The following BCAS3 variants were observed in gnomAD, a reference collection of about 807,000 sequenced individuals.
BCAS3 encodes the protein BCAS3 microtubule associated cell migration factor.
A neutral mutation model predicts 116.1 loss-of-function variants in BCAS3; 53 were observed. The ratio of observed to expected loss-of-function variants is 0.46; its 90% CI spans 0.37 to 0.57. The LOEUF is 0.57. Among genes scored for constraint, BCAS3 ranks in the 20% least tolerant of loss-of-function variants. The pLI, the probability that BCAS3 is intolerant of heterozygous loss-of-function variation, is 0.00. For synonymous variants in BCAS3, 391 were observed against 408.2 expected (o/e 0.96, Z 0.51); for missense variants, 917 against 1,165.4 (o/e 0.79, Z 3.10).
intron 23 of BCAS3, among the ~76,000 whole-genome samples, chr17:61,382,616 AC>A (rs1389520229): frequency 6.6e-6 from 1 of 151,476 alleles, no homozygotes; most frequent in African/African-American, 2.4e-5. Flanking sequence ...AGATTGCACC[AC>A]TGCACTCCAG....
At chr17:60,879,228 G>A (rs534844084) in intron 9 of BCAS3, among the ~76,000 whole-genome samples, 11 of 152,316 alleles carry the variant, frequency 7.2e-5, no homozygotes, top group African/African-American at 2.6e-4. Flanking sequence ...TGAATGACAA[G>A]ATCTCCACTT....
intron 14 of BCAS3, among the ~76,000 whole-genome samples, chr17:60,965,660 GTTC>G (rs951781785): frequency 6.6e-6 from 1 of 152,026 alleles, no homozygotes; most frequent in African/African-American, 2.4e-5. Flanking sequence ...ATTTTCCCCA[GTTC>G]TTCTTATTAA....
At chr17:61,331,556 G>T (rs905516116) in intron 22 of BCAS3, among the ~76,000 whole-genome samples, 3 of 152,166 alleles carry the variant, frequency 2.0e-5, no homozygotes, top group Admixed American at 6.5e-5. Context: ...ACTTTGGGAG[G>T]CTGAAGTGGG....
chr17:60,734,553 T>C (rs887984814), intron 5 of BCAS3, among the ~76,000 whole-genome samples: 30 of 152,228 alleles, frequency 2.0e-4, no homozygotes, highest in African/African-American at 7.0e-4. Context: ...CATGTGGGTG[T>C]CCAGTTTTTT....
chr17:61,260,319 CCATAGTA>C (rs1274564875), intron 22 of BCAS3, among the ~76,000 whole-genome samples: 3 of 151,952 alleles, frequency 2.0e-5, no homozygotes, highest in African/African-American at 7.3e-5. Context: ...CCAGAGAAAC[CCATAGTA>C]CGTTAGACAA....
chr17:60,969,274 T>C (rs1366457991), intron 14 of BCAS3, among the ~76,000 whole-genome samples: 1 of 152,210 alleles, frequency 6.6e-6, no homozygotes, highest in East Asian at 1.9e-4. Flanking sequence ...TAGTAGAAAT[T>C]ATTTTAAAGC....
In BCAS3 at chr17:60,947,282, A is replaced by G; in HGVS notation, c.1151A>G (p.His384Arg). Reference protein sequence around the residue: ...HDFHVFQILTHPWSSSQCAVH... With the variant: ...HDFHVFQILTRPWSSSQCAVH... ...TTTCATGTCTTCCAAATTCTGACTC[A>G]TCCTTGGTCCTCATCACAATGTGCT... The change falls in exon 14 of 24, where the codon CAT (histidine) becomes CGT (arginine). Residue 384 changes from histidine (H) to arginine (R), a missense_variant. His to Arg is a conservative substitution (Grantham distance 29). Coordinates refer to ENST00000407086, the MANE Select transcript of BCAS3 (RefSeq NM_017679.5). The G allele has an allele frequency of 1.9e-6, 3 of 1,612,850 alleles. No individual in the cohort carries two copies. Among genetic ancestry groups the G allele is most frequent in the Non-Finnish European group, 2.5e-6 (3 of 1,178,904 alleles).
intron 4 of BCAS3, among the ~76,000 whole-genome samples, chr17:60,701,180 G>T (rs945775654): frequency 2.6e-5 from 4 of 151,590 alleles, no homozygotes; most frequent in Admixed American, 2.6e-4. Flanking sequence ...GGAGGCGGAG[G>T]TTGCAGTGAG....
At chr17:60,901,943 C>A (rs898337920) in intron 10 of BCAS3, among the ~76,000 whole-genome samples, 1 of 152,092 alleles carries the variant, frequency 6.6e-6, no homozygotes, top group South Asian at 2.1e-4. Context: ...AGAATTTAAT[C>A]CTGGTTTATT....
At chr17:60,765,985 G>A (rs2044052713) in intron 6 of BCAS3, among the ~76,000 whole-genome samples, 1 of 152,092 alleles carries the variant, frequency 6.6e-6, no homozygotes, top group African/African-American at 2.4e-5. Flanking sequence ...ATCGGCTACT[G>A]AAGCATGTGC....
At chr17:60,887,313 TGC>T (rs2056772667) in intron 9 of BCAS3, 1 of 84,632 alleles carries the variant, frequency 1.2e-5, no homozygotes, top group African/African-American at 2.8e-4. Context: ...TCGCGCACGG[TGC>T]ACGGTGCGTG....
At chr17:60,983,561 C>T (rs2062943906) in intron 14 of BCAS3, among the ~76,000 whole-genome samples, 1 of 152,136 alleles carries the variant, frequency 6.6e-6, no homozygotes, top group Non-Finnish European at 1.5e-5. Context: ...AATCACTTCT[C>T]TATTAGCAGT....
intron 10 of BCAS3, among the ~76,000 whole-genome samples, chr17:60,893,887 G>T (rs1567811258): frequency 6.6e-6 from 1 of 151,990 alleles, no homozygotes. Context: ...GGGATTGCAG[G>T]CATGAGCCAC....
chr17:61,040,962 G>T, intron 19 of BCAS3, 70 bp downstream of exon 19: 1 of 1,330,962 alleles, frequency 7.5e-7, no homozygotes. Flanking sequence ...TGCTAGCTTT[G>T]AAAGCAAACA....
Position 61,028,583 on chromosome 17 carries a change from A to G in BCAS3, c.1638-6083A>G, listed in dbSNP as rs1476735829. Among the ~76,000 whole-genome samples, 1 of 151,948 alleles carries G rather than the reference A, an allele frequency of 6.6e-6. No individual in the cohort carries two copies. The highest frequency in any genetic ancestry group is 1.5e-5 in the Non-Finnish European group (1 of 67,828). On this transcript the variant is annotated intron_variant, in intron 16 of 23. Transcript: ENST00000407086. The surrounding 1 kb of genome is among the most constrained non-coding windows in gnomAD (Gnocchi z 4.3). ...AATAAAGATTGAAGTTTTGCATAGA[A>G]GTAAAAGATGGAATAACAACTGTTG...
chr17:61,161,225 T>C lies in BCAS3; in HGVS notation c.2425+76661T>C, dbSNP rs1438106065. Among the ~76,000 whole-genome samples the C allele has an allele frequency of 6.6e-6, 1 of 152,240 alleles. No homozygotes were observed. Among genetic ancestry groups the C allele is most frequent in the African/African-American group, 2.4e-5 (1 of 41,464 alleles). ...AGCAAGAGTTGCAATCTGAGAGTAATATGAAACATTTTGGTTTGGCTGCCA... is the reference window on the plus strand; with the variant it reads ...AGCAAGAGTTGCAATCTGAGAGTAACATGAAACATTTTGGTTTGGCTGCCA... On this transcript the variant is annotated intron_variant, in intron 22 of 23. Coordinates refer to ENST00000407086, the MANE Select transcript of BCAS3 (RefSeq NM_017679.5). This position sits in a 1 kb window ranked among gnomAD's most constrained non-coding sequence, Gnocchi z 4.8.
intron 6 of BCAS3, among the ~76,000 whole-genome samples, chr17:60,783,118 C>T (rs1442932193): frequency 6.6e-6 from 1 of 152,140 alleles, no homozygotes; most frequent in Non-Finnish European, 1.5e-5. Flanking sequence ...TATGCAACTG[C>T]AAGAATGAAC....
In BCAS3 at chr17:60,895,066, G is replaced by A. The variant is rs575292692; in HGVS notation, c.738+5295G>A. On this transcript the variant is annotated intron_variant, in intron 10 of 23. Coordinates refer to ENST00000407086, the MANE Select transcript of BCAS3 (RefSeq NM_017679.5). ...TTGTCTGGTTTTGGTATCAGATGAT[G>A]TTGGCTTCATAGAATGAGTTAGGGA... 3.9e-5 allele frequency among the ~76,000 whole-genome samples: 6 copies of A among 152,258 alleles called. No homozygotes were observed. In the East Asian group the frequency reaches 9.6e-4, roughly 24 times the overall value.
At position 61,379,019 on chromosome 17, in the gene BCAS3, C is replaced by G. The variant is rs1402463960; in HGVS notation, c.2593+10525C>G. 1 of 152,250 alleles carries G rather than the reference C, an allele frequency of 6.6e-6. No homozygotes were observed. Among genetic ancestry groups the G allele is most frequent in the Non-Finnish European group, 1.5e-5 (1 of 68,114 alleles). The allele number at this position is 152,250 out of a possible 1,614,324, so 9.4% of individuals were successfully genotyped here. A position where few individuals can be genotyped will look rare whatever the true frequency, so the allele number is the denominator to read the frequency against. On this transcript the variant is annotated intron_variant, in intron 23 of 23. Coordinates refer to ENST00000407086, the MANE Select transcript of BCAS3 (RefSeq NM_017679.5). The surrounding 1 kb of genome is among the most constrained non-coding windows in gnomAD (Gnocchi z 5.5). ...TCTGTGACCCTTCAGAGTCCCCTCT[C>G]CAGGTGCTGCCCCAACATGAAAGCA...
Sources: gnomAD v4.1 joint callset for allele counts (sites outside exome capture counted in the v4.1 genomes callset) on GRCh38, gnomAD v4.1.1 for gene constraint, Gnocchi (gnomAD v3.1) non-coding constraint, MANE v1.5 for transcripts, NCBI Gene and HGNC (gene_info 2026-07-23, HGNC 2026-07-21) for gene names.